The following OR51C1 variants were observed in gnomAD, a reference collection of about 807,000 sequenced individuals.
OR51C1 encodes olfactory receptor family 51 subfamily C member 1.
At chr11:4,692,893 A>C in the OR51C1 span, among the ~76,000 whole-genome samples, 1 of 152,140 alleles carries the variant, frequency 6.6e-6, no homozygotes, top group African/African-American at 2.4e-5. Flanking sequence ...AACTAAAATT[A>C]ACAGAAAACT....
the OR51C1 span, chr11:4,697,549 T>C: frequency 6.6e-6 from 1 of 152,604 alleles, no homozygotes; most frequent in Admixed American, 6.5e-5. Context: ...CATACCAACA[T>C]CTAATCTAAT....
At chr11:4,693,937 A>G in the OR51C1 span, among the ~76,000 whole-genome samples, 1 of 152,176 alleles carries the variant, frequency 6.6e-6, no homozygotes, top group Non-Finnish European at 1.5e-5. Context: ...TAATTTCAAT[A>G]TCTCATATAC....
chr11:4,697,054 T>A, the OR51C1 span, among the ~76,000 whole-genome samples: 2 of 152,222 alleles, frequency 1.3e-5, no homozygotes, highest in Non-Finnish European at 2.9e-5. Flanking sequence ...TCTTACTATG[T>A]CATCATGTGA....
the OR51C1 span, among the ~76,000 whole-genome samples, chr11:4,694,509 CAT>C: frequency 1.8e-3 from 227 of 124,562 alleles, 2 homozygotes; most frequent in African/African-American, 5.2e-3. Context: ...TATACACACA[CAT>C]ATATATATAT....
the OR51C1 span, among the ~76,000 whole-genome samples, chr11:4,694,843 G>C: frequency 2.0e-5 from 3 of 152,078 alleles, no homozygotes; most frequent in African/African-American, 7.2e-5. Context: ...GTGTCTGTGT[G>C]TGTCAAGAAG....
the OR51C1 span, among the ~76,000 whole-genome samples, chr11:4,692,566 C>T: frequency 6.6e-6 from 1 of 152,110 alleles, no homozygotes; most frequent in Non-Finnish European, 1.5e-5. Context: ...CATCACATTT[C>T]TTTTTTCATA....
the OR51C1 span, chr11:4,691,089 A>G: frequency 4.4e-6 from 2 of 456,784 alleles, no homozygotes; most frequent in South Asian, 3.1e-5. Flanking sequence ...AGTAGAGAAC[A>G]TGGCAGTCAG....
chr11:4,697,663 C>G, the OR51C1 span: 1 of 152,654 alleles, frequency 6.6e-6, no homozygotes, highest in African/African-American at 2.4e-5. Context: ...AGAGCCCATA[C>G]AGCAGTTCGG....
At chr11:4,691,622 G>A in the OR51C1 span, 1 of 447,762 alleles carries the variant, frequency 2.2e-6, no homozygotes, top group Non-Finnish European at 4.5e-6. Flanking sequence ...TGGAGATCCA[G>A]GTGTGGAAGG....
the OR51C1 span, among the ~76,000 whole-genome samples, chr11:4,693,565 C>CA: frequency 2.6e-5 from 4 of 151,926 alleles, no homozygotes; most frequent in Admixed American, 1.3e-4. Context: ...ACTAAAAATA[C>CA]AAAAAATTAG....
chr11:4,694,520 A>G, the OR51C1 span, among the ~76,000 whole-genome samples: 23 of 144,166 alleles, frequency 1.6e-4, no homozygotes, highest in East Asian at 3.9e-3. Flanking sequence ...ATATATATAT[A>G]TACACACACA....
the OR51C1 span, chr11:4,690,687 G>T: frequency 3.1e-6 from 1 of 327,434 alleles, no homozygotes; most frequent in Non-Finnish European, 6.0e-6. Context: ...GTTGTTTTTT[G>T]TTTTTAATTG....
At chr11:4,691,033 T>C in the OR51C1 span, 4 of 456,492 alleles carry the variant, frequency 8.8e-6, no homozygotes, top group Non-Finnish European at 1.8e-5. Flanking sequence ...ACAGTCCTAA[T>C]GATCAAAACA....
chr11:4,690,923 C>A, the OR51C1 span: 1 of 455,722 alleles, frequency 2.2e-6, no homozygotes. Context: ...GAACAATGGA[C>A]AGACTGATCA....
the OR51C1 span, chr11:4,691,570 T>C: frequency 2.2e-6 from 1 of 456,894 alleles, no homozygotes; most frequent in South Asian, 1.6e-5. Flanking sequence ...AGGATCAGGC[T>C]GTTTCCCAAG....
chr11:4,696,187 C>T, the OR51C1 span, among the ~76,000 whole-genome samples: 1 of 152,152 alleles, frequency 6.6e-6, no homozygotes, highest in Non-Finnish European at 1.5e-5. Context: ...ACTGTGGCTA[C>T]CCCTGAGGGA....
the OR51C1 span, among the ~76,000 whole-genome samples, chr11:4,692,527 C>T: frequency 3.3e-5 from 5 of 152,022 alleles, no homozygotes; most frequent in Non-Finnish European, 7.4e-5. Context: ...TGTTTTGTTT[C>T]GGAGGGAAAA....
the OR51C1 span, chr11:4,690,568 ACCT>A: frequency 3.9e-6 from 1 of 257,394 alleles, no homozygotes; most frequent in Non-Finnish European, 7.6e-6. Context: ...CCATGTCTTC[ACCT>A]CCTCATCTGG....
chr11:4,694,565 C>CATATAT, the OR51C1 span, among the ~76,000 whole-genome samples: 1 of 137,310 alleles, frequency 7.3e-6, no homozygotes, highest in Non-Finnish European at 1.6e-5. Flanking sequence ...CACACACATA[C>CATATAT]ATATATATAT....
Sources: allele counts gnomAD v4.1 joint callset (sites outside exome capture counted in the v4.1 genomes callset), GRCh38; gene constraint gnomAD v4.1.1; transcripts MANE v1.5; gene names NCBI Gene and HGNC (gene_info 2026-07-23, HGNC 2026-07-21).